Variants in KCNK10 observed in about 807,000 individuals in gnomAD.
The protein encoded by KCNK10 is potassium two pore domain channel subfamily K member 10.
A neutral mutation model predicts 47.7 loss-of-function variants in KCNK10; 25 were observed. The ratio of observed to expected loss-of-function variants is 0.52; its 90% CI spans 0.38 to 0.73. KCNK10 has a LOEUF of 0.73. Ranked by LOEUF, KCNK10 falls within the 30% of genes least tolerant of loss-of-function variation. The pLI, the probability that KCNK10 is intolerant of heterozygous loss-of-function variation, is 0.00. For missense variants in KCNK10, 563 were observed against 714.5 expected (o/e 0.79, Z 2.42); for synonymous variants, 303 against 285.6 (o/e 1.06, Z -0.61).
At chr14:88,238,474 C>T (rs1294988124) in intron 3 of KCNK10, among the ~76,000 whole-genome samples, 1 of 152,100 alleles carries the variant, frequency 6.6e-6, no homozygotes, top group South Asian at 2.1e-4. Context: ...AGTTCAAGAC[C>T]AGCCTGGGTA....
chr14:88,236,625 C>A (rs1191708694), intron 3 of KCNK10, among the ~76,000 whole-genome samples: 1 of 152,178 alleles, frequency 6.6e-6, no homozygotes, highest in East Asian at 1.9e-4. Context: ...GTTATACAGG[C>A]ATACGTCAGA....
intron 1 of KCNK10, among the ~76,000 whole-genome samples, chr14:88,317,941 C>G (rs926022695): frequency 6.6e-6 from 1 of 152,206 alleles, no homozygotes; most frequent in Non-Finnish European, 1.5e-5. Context: ...AATAGCCACA[C>G]TCCAATAGCT....
intron 1 of KCNK10, among the ~76,000 whole-genome samples, chr14:88,299,391 C>T (rs1472233329): frequency 2.0e-5 from 3 of 152,216 alleles, no homozygotes; most frequent in Non-Finnish European, 2.9e-5. Context: ...GCCATTCTCT[C>T]TCTGCTTTGC....
chr14:88,273,261 C>G (rs1200046673), intron 1 of KCNK10, among the ~76,000 whole-genome samples: 3 of 152,134 alleles, frequency 2.0e-5, no homozygotes, highest in Non-Finnish European at 4.4e-5. Context: ...GAGAACTGGG[C>G]TGGGCGTCAG....
chr14:88,236,967 T>C (rs1886319005), intron 3 of KCNK10, among the ~76,000 whole-genome samples: 2 of 152,204 alleles, frequency 1.3e-5, no homozygotes, highest in South Asian at 2.1e-4. Flanking sequence ...AACAAAGAAG[T>C]TGGCCACATC....
chr14:88,248,360 A>G (rs372432459), intron 2 of KCNK10, among the ~76,000 whole-genome samples: 4 of 152,200 alleles, frequency 2.6e-5, no homozygotes, highest in Admixed American at 1.3e-4. Context: ...GGCTTCTGCT[A>G]TCTTGCTTTT....
chr14:88,235,952 C>T (rs904353155), intron 3 of KCNK10, among the ~76,000 whole-genome samples: 1 of 152,134 alleles, frequency 6.6e-6, no homozygotes, highest in Non-Finnish European at 1.5e-5. Flanking sequence ...AAAAGGCTGG[C>T]ATCAGGTTTC....
chr14:88,195,666 CTTT>C (rs150294980), intron 4 of KCNK10, among the ~76,000 whole-genome samples: 1 of 152,174 alleles, frequency 6.6e-6, no homozygotes, highest in Non-Finnish European at 1.5e-5. Context: ...ATCTTGGAAG[CTTT>C]TTTATTTGCC....
chr14:88,227,231 T>A, intron 4 of KCNK10, 144 bp downstream of exon 4: 1 of 650,526 alleles, frequency 1.5e-6, no homozygotes, highest in Non-Finnish European at 2.4e-6. Context: ...TTGACTTCCA[T>A]TGGCCAAAAC....
At position 88,182,400 on chromosome 14, in the gene KCNK10, C is replaced by T. The variant is rs903950330; in HGVS notation, c.*3135G>A. 5 of 152,414 alleles carry T rather than the reference C, an allele frequency of 3.3e-5. No homozygotes were observed. Among genetic ancestry groups the T allele is most frequent in the Non-Finnish European group, 4.4e-5 (3 of 68,024 alleles). 9.4% of individuals were successfully genotyped at this position (152,414 alleles called of 1,614,324 possible). On this transcript the variant is annotated 3_prime_UTR_variant, in exon 7 of 7. Transcript: ENST00000319231. ...AATGTGTAGCAGCTTTGACCTATCA[C>T]GTGTATTCTACATGCCATTTGGCCC...
At position 88,214,230 on chromosome 14, in the gene KCNK10, C is replaced by T. The variant is rs189723892; in HGVS notation, c.681+13145G>A. Among the ~76,000 whole-genome samples, 12 of 152,226 alleles carry T rather than the reference C, an allele frequency of 7.9e-5. No individual in the cohort carries two copies. The East Asian group carries it at 2.3e-3, about 29-fold the overall frequency. ...CTGGGATTACAGGCTTGAGTCACCA[C>T]ACCAAGCCACTCTATGCTCTTAAAA... On this transcript the variant is annotated intron_variant, in intron 4 of 6. Coordinates refer to ENST00000319231, the MANE Select transcript of KCNK10 (RefSeq NM_138317.3).
intron 2 of KCNK10, among the ~76,000 whole-genome samples, chr14:88,241,100 G>A (rs1354585064): frequency 1.3e-5 from 2 of 152,316 alleles, no homozygotes; most frequent in South Asian, 2.1e-4. Context: ...CCCAGATTAT[G>A]CAAAATGTTA....
chr14:88,243,280 T>G (rs984945343), intron 2 of KCNK10, among the ~76,000 whole-genome samples: 2 of 152,234 alleles, frequency 1.3e-5, no homozygotes, highest in African/African-American at 4.8e-5. Flanking sequence ...TGTGATTCCA[T>G]TCTATCCTTT....
intron 1 of KCNK10, among the ~76,000 whole-genome samples, chr14:88,269,490 T>A (rs1045635932): frequency 2.0e-5 from 3 of 152,206 alleles, no homozygotes; most frequent in Admixed American, 2.0e-4. Flanking sequence ...CAGGCTGAAG[T>A]GCAGTGGCAC....
intron 1 of KCNK10, among the ~76,000 whole-genome samples, chr14:88,281,106 C>T (rs1887641101): frequency 6.6e-6 from 1 of 152,156 alleles, no homozygotes; most frequent in Non-Finnish European, 1.5e-5. Flanking sequence ...TTTCATCTCA[C>T]AACATGCCCC....
chr14:88,256,142 G>C (rs1886949151), intron 2 of KCNK10, among the ~76,000 whole-genome samples: 1 of 152,174 alleles, frequency 6.6e-6, no homozygotes, highest in Non-Finnish European at 1.5e-5. Flanking sequence ...GCTTGCCCTA[G>C]GACATCAAAC....
At chr14:88,237,525 T>C (rs889261559) in intron 3 of KCNK10, among the ~76,000 whole-genome samples, 1 of 152,250 alleles carries the variant, frequency 6.6e-6, no homozygotes, top group Non-Finnish European at 1.5e-5. Context: ...TACAGCCTTA[T>C]GAAATGTATT....
intron 1 of KCNK10, among the ~76,000 whole-genome samples, chr14:88,283,975 T>A (rs983304247): frequency 5.3e-5 from 8 of 152,172 alleles, no homozygotes; most frequent in African/African-American, 9.7e-5. Context: ...TTTTGTATGT[T>A]ACAAATATAT....
upstream of KCNK10, among the ~76,000 whole-genome samples, chr14:88,324,393 C>G (rs1370874979): frequency 2.6e-5 from 4 of 152,338 alleles, no homozygotes; most frequent in East Asian, 7.7e-4. Context: ...CGGAGCCTTA[C>G]ACGTAGTAGG....
Sources: allele counts gnomAD v4.1 joint callset (sites outside exome capture counted in the v4.1 genomes callset), GRCh38; gene constraint gnomAD v4.1.1; transcripts MANE v1.5; gene names NCBI Gene and HGNC (gene_info 2026-07-23, HGNC 2026-07-21).